TAS2R1: variants seen among roughly 807,000 people sequenced by gnomAD.
TAS2R1 encodes the protein taste 2 receptor member 1, also known as taste receptor type 2 member 1.
For missense variants in TAS2R1, 370 were observed against 353.4 expected (o/e 1.05, Z -0.38); for synonymous variants, 141 against 134.2 (o/e 1.05, Z -0.35).
the TAS2R1 span, among the ~76,000 whole-genome samples, chr5:9,815,683 A>G: frequency 2.7e-5 from 3 of 113,122 alleles, no homozygotes; most frequent in South Asian, 2.8e-4. Context: ...ATCCCTGACC[A>G]AAAAAAAAAA....
At chr5:9,688,309 C>T (rs1561379236) in intron 1 of TAS2R1, among the ~76,000 whole-genome samples, 3 of 149,636 alleles carry the variant, frequency 2.0e-5, no homozygotes, top group Admixed American at 1.3e-4. Context: ...CCTCAGCGCT[C>T]CCCCCCTCAA....
the TAS2R1 span, among the ~76,000 whole-genome samples, chr5:9,799,710 T>A: frequency 6.6e-6 from 1 of 152,184 alleles, no homozygotes; most frequent in African/African-American, 2.4e-5. Context: ...GAAAGAAACA[T>A]CTCCTGGCAT....
upstream of TAS2R1, chr5:9,712,268 G>A (rs1436660774): frequency 6.6e-6 from 1 of 152,156 alleles, no homozygotes; most frequent in East Asian, 1.9e-4. Flanking sequence ...ATCCAGCCCA[G>A]ACCACCAATT....
intron 2 of TAS2R1, among the ~76,000 whole-genome samples, chr5:9,642,159 C>T (rs1236170500): frequency 3.3e-5 from 5 of 152,106 alleles, no homozygotes; most frequent in Admixed American, 6.5e-5. Context: ...CGTTGGAAAG[C>T]TTTTCATCAG....
chr5:9,644,490 T>C (rs1740150250), intron 2 of TAS2R1, among the ~76,000 whole-genome samples: 1 of 152,000 alleles, frequency 6.6e-6, no homozygotes, highest in Non-Finnish European at 1.5e-5. Context: ...AATGGAGCCA[T>C]TTTTCAAGAA....
chr5:9,765,812 A>G, the TAS2R1 span: 1 of 152,248 alleles, frequency 6.6e-6, no homozygotes, highest in Non-Finnish European at 1.5e-5. Context: ...CCCCTGGAAT[A>G]ACTTTAGAGC....
chr5:9,629,929 A>G lies in TAS2R1; in HGVS notation c.104T>C (p.Leu35Ser), dbSNP rs1373664770. ...CGGAGCCATTTTTCTGTGCTTGATC[A>G]AGTCAATGCCATTCACCACCACAAT... is the stretch of plus-strand genomic sequence containing the variant. Reference protein sequence around the residue: ...GIIVVVNGIDLIKHRKMAPLD... With the variant: ...GIIVVVNGIDSIKHRKMAPLD... Residue 35 changes from leucine to serine, a missense_variant, in exon 1 of 1, where the codon TTG becomes TCG. Physicochemically the swap from Leu to Ser is moderately radical, Grantham distance 145 (BLOSUM62 -2). Coordinates refer to ENST00000382492, the MANE Select transcript of TAS2R1 (RefSeq NM_019599.3). The G allele has an allele frequency of 6.2e-7, 1 of 1,613,942 alleles. No homozygotes were observed. The highest frequency in any genetic ancestry group is 1.1e-5 in the South Asian group (1 of 91,014).
intron 1 of TAS2R1, among the ~76,000 whole-genome samples, chr5:9,704,230 G>T (rs969466739): frequency 6.6e-6 from 1 of 151,928 alleles, no homozygotes; most frequent in African/African-American, 2.4e-5. Context: ...CTTAATTTTT[G>T]TTTTATGTTA....
At chr5:9,672,854 T>C (rs528521869) in intron 1 of TAS2R1, among the ~76,000 whole-genome samples, 18 of 152,246 alleles carry the variant, frequency 1.2e-4, no homozygotes, top group African/African-American at 4.1e-4. Flanking sequence ...TGTAAGTTCA[T>C]TGCAGCACTA....
rs142017001 is a variant in TAS2R1, at chr5:9,707,729, C to T, written c.-242+4443G>A. On this transcript the variant is annotated intron_variant, in intron 1 of 2. Coordinates refer to the TAS2R1 transcript ENST00000506620. ...AACAAAAAGGCACTTTTGCAGCTCT[C>T]GGTGCAAGCCCTCCCCCAAGCTTTT... Among the ~76,000 whole-genome samples the T allele has an allele frequency of 4.6e-5, 7 of 152,092 alleles. No individual in the cohort carries two copies. In the East Asian group the frequency reaches 7.8e-4, roughly 17 times the overall value.
chr5:9,784,128 G>A, the TAS2R1 span, among the ~76,000 whole-genome samples: 2 of 152,206 alleles, frequency 1.3e-5, no homozygotes, highest in African/African-American at 4.8e-5. Context: ...CCATGTAAGG[G>A]TTTACTATGA....
At chr5:9,698,514 T>C (rs1266504065) in intron 1 of TAS2R1, among the ~76,000 whole-genome samples, 1 of 152,178 alleles carries the variant, frequency 6.6e-6, no homozygotes, top group Non-Finnish European at 1.5e-5. Context: ...GTTGTCGTGT[T>C]TTATCTTGTT....
chr5:9,889,411 C>T, the TAS2R1 span, among the ~76,000 whole-genome samples: 1 of 152,178 alleles, frequency 6.6e-6, no homozygotes, highest in Non-Finnish European at 1.5e-5. Context: ...ACCACACATG[C>T]ACAGGGTAGA....
chr5:9,693,184 A>C (rs1248334935), intron 1 of TAS2R1, among the ~76,000 whole-genome samples: 1 of 152,154 alleles, frequency 6.6e-6, no homozygotes, highest in African/African-American at 2.4e-5. Flanking sequence ...ATTCTGATGA[A>C]TATATAGATT....
At chr5:9,688,110 C>T (rs184714760) in intron 1 of TAS2R1, among the ~76,000 whole-genome samples, 2 of 152,262 alleles carry the variant, frequency 1.3e-5, no homozygotes, top group East Asian at 3.9e-4. Flanking sequence ...AAACATATGT[C>T]CTAACGCATA....
chr5:9,752,664 A>G, the TAS2R1 span, among the ~76,000 whole-genome samples: 26 of 152,078 alleles, frequency 1.7e-4, no homozygotes, highest in Non-Finnish European at 4.4e-5. Flanking sequence ...TCGTCATTTA[A>G]CATTAGGTAT....
chr5:9,658,901 A>G (rs988728145), intron 2 of TAS2R1: 3 of 152,204 alleles, frequency 2.0e-5, no homozygotes, highest in African/African-American at 7.2e-5. Context: ...CATCATTTTC[A>G]GATGTTACAG....
the TAS2R1 span, among the ~76,000 whole-genome samples, chr5:9,778,944 G>C: frequency 6.6e-6 from 1 of 152,372 alleles, no homozygotes; most frequent in Non-Finnish European, 1.5e-5. Context: ...CAGCTTGGCT[G>C]TTTGGCACAA....
chr5:9,804,249 C>A, the TAS2R1 span, among the ~76,000 whole-genome samples: 1 of 152,052 alleles, frequency 6.6e-6, no homozygotes, highest in Admixed American at 6.5e-5. Context: ...AAAACAATTA[C>A]CCTGCTAGAC....
Sources: gnomAD v4.1 joint callset for allele counts (sites outside exome capture counted in the v4.1 genomes callset) on GRCh38, gnomAD v4.1.1 for gene constraint, MANE v1.5 for transcripts, NCBI Gene and HGNC (gene_info 2026-07-23, HGNC 2026-07-21) for gene names.